SP1: variants seen among roughly 807,000 people sequenced by gnomAD.
SP1 encodes Sp1 transcription factor.
Under a neutral mutation model 66.3 loss-of-function variants are expected in SP1, and 6 were observed. The ratio of observed to expected loss-of-function variants is 0.09; its 90% CI spans 0.05 to 0.18. SP1 has a LOEUF of 0.18. Among genes scored for constraint, SP1 ranks in the 10% least tolerant of loss-of-function variants. The probability of loss-of-function intolerance (pLI) is 1.00; values close to 1 mark genes in which losing one functional copy is unlikely to be tolerated. For missense variants in SP1, 848 were observed against 964.5 expected (o/e 0.88, Z 1.60); for synonymous variants, 417 against 360.8 (o/e 1.16, Z -1.77).
At chr12:53,406,166 G>C (rs533984197) in intron 3 of SP1, among the ~76,000 whole-genome samples, 1 of 150,740 alleles carries the variant, frequency 6.6e-6, no homozygotes, top group East Asian at 2.0e-4. Flanking sequence ...CGCCTCCCGG[G>C]TTCAAGCAAT....
intron 3 of SP1, among the ~76,000 whole-genome samples, chr12:53,401,430 G>A (rs544723168): frequency 4.0e-4 from 55 of 138,398 alleles, no homozygotes; most frequent in African/African-American, 1.4e-3. Flanking sequence ...CAGCCTGGGC[G>A]ACAAGAGCAA....
chr12:53,390,816 CG>C (rs1938332261), intron 3 of SP1, among the ~76,000 whole-genome samples: 4 of 152,130 alleles, frequency 2.6e-5, no homozygotes, highest in Admixed American at 2.6e-4. Flanking sequence ...TGTTAAATCA[CG>C]TTGCCTTGTG....
rs1014872752 is a variant in SP1, at chr12:53,382,942, C to T, written c.995C>T (p.Thr332Ile). ...TNANSYSTTTTTSNMGIMNFT... is the reference protein window; with the variant it reads ...TNANSYSTTTITSNMGIMNFT... The stretch of plus-strand genomic sequence containing the variant: ...GCCAATAGCTACTCAACTACTACTA[C>T]CACCAGCAACATGGGAATTATGAAC... The change falls in exon 3 of 6, where the codon ACC becomes ATC. Residue 332 changes from threonine to isoleucine, a missense_variant. Physicochemically the swap from Thr to Ile is moderately conservative, Grantham distance 89. Around this residue, in one of 7 missense-constraint regions of SP1, gnomAD observed 606 missense variants for 589.9 expected, o/e 1.03. Transcript: ENST00000327443. 1.2e-6 allele frequency: 2 copies of T among 1,614,052 alleles called. No individual in the cohort carries two copies. Among genetic ancestry groups the T allele is most frequent in the African/African-American group, 1.3e-5 (1 of 74,930 alleles).
intron 3 of SP1, among the ~76,000 whole-genome samples, chr12:53,391,469 C>T (rs1339642535): frequency 1.3e-5 from 2 of 150,646 alleles, no homozygotes; most frequent in South Asian, 4.2e-4. Flanking sequence ...GGACTACAGG[C>T]GTGTGCCACC....
rs761944479 is a variant in SP1 at position 53,409,487 on chromosome 12, T to C, written c.1970T>C (p.Met657Thr). 1.9e-6 allele frequency: 3 copies of C among 1,614,084 alleles called. No homozygotes were observed. In the African/African-American group the frequency reaches 4.0e-5, roughly 22 times the overall value. The part of the protein sequence containing the change: ...LRWHTGERPF[M>T]CTWSYCGKRF... Reference sequence around the variant, plus strand: ...TGGCATACAGGCGAGAGGCCATTTATGTGTACCTGGTCATACTGTGGGAAA... The same window carrying C: ...TGGCATACAGGCGAGAGGCCATTTACGTGTACCTGGTCATACTGTGGGAAA... The change falls in exon 5 of 6, where the codon ATG (methionine) becomes ACG (threonine). Residue 657 changes from methionine to threonine, a missense_variant. This residue lies in a region of SP1 where 39 missense variants were observed against 124.2 expected (regional missense o/e 0.31). Transcript: ENST00000327443.
chr12:53,382,396 C>G lies in SP1; in HGVS notation c.449C>G (p.Ala150Gly). 1 of 1,614,210 alleles carries G rather than the reference C, an allele frequency of 6.2e-7. No homozygotes were observed. The highest frequency in any genetic ancestry group is 8.5e-7 in the Non-Finnish European group (1 of 1,180,032). Residue 150 changes from alanine (A) to glycine (G), a missense_variant, in exon 3 of 6, where the codon GCT becomes GGT. This residue lies in a region of SP1 where 606 missense variants were observed against 589.9 expected (regional missense o/e 1.03). Transcript: ENST00000327443. ...GTCTCTGGTGGGCAGTATGTTGTGGCTGCCGCTCCCAACTTACAGAACCAG... is the reference window on the plus strand; with the variant it reads ...GTCTCTGGTGGGCAGTATGTTGTGGGTGCCGCTCCCAACTTACAGAACCAG... The part of the protein sequence containing the change: ...RTVSGGQYVV[A>G]AAPNLQNQQV...
chr12:53,390,206 A>G (rs906119188), intron 3 of SP1, among the ~76,000 whole-genome samples: 1 of 152,236 alleles, frequency 6.6e-6, no homozygotes, highest in Admixed American at 6.5e-5. Flanking sequence ...TTTATCAAAT[A>G]TAATGTTGAA....
In SP1 at chr12:53,411,351, A is replaced by G. The variant is rs915953445; in HGVS notation, c.*111A>G. On this transcript the variant is annotated 3_prime_UTR_variant, in exon 6 of 6. Coordinates refer to ENST00000327443, the MANE Select transcript of SP1 (RefSeq NM_138473.3). ...AGAGAGCCATGAAGCATTAAAATGC[A>G]TGGTGTTGAGAAGAATCAGGAGAGG... The G allele has an allele frequency of 2.7e-5, 23 of 865,668 alleles. No individual in the cohort carries two copies. The East Asian group carries it at 3.3e-4, about 13-fold the overall frequency. The allele number at this position is 865,668 out of a possible 1,614,324, so 53.6% of individuals were successfully genotyped here. A position where few individuals can be genotyped will look rare whatever the true frequency, so the allele number is the denominator to read the frequency against.
chr12:53,383,130 C>G lies in SP1; in HGVS notation c.1183C>G (p.Gln395Glu), dbSNP rs745490784. 2 of 1,614,216 alleles carry G rather than the reference C, an allele frequency of 1.2e-6. No homozygotes were observed. The highest frequency in any genetic ancestry group is 2.2e-5 in the South Asian group (2 of 91,088). Reference sequence around the variant, plus strand: ...AGAAGGAGAGCAAAACCAGCAGACACAGCAGCAACAAATTCTTATCCAGCC... The same window carrying G: ...AGAAGGAGAGCAAAACCAGCAGACAGAGCAGCAACAAATTCTTATCCAGCC... Reference protein sequence around the residue: ...QKEGEQNQQTQQQQILIQPQL... With the variant: ...QKEGEQNQQTEQQQILIQPQL... The change falls in exon 3 of 6, where the codon CAG becomes GAG. Residue 395 changes from glutamine to glutamate, a missense_variant. Coordinates refer to ENST00000327443, the MANE Select transcript of SP1 (RefSeq NM_138473.3).
intron 3 of SP1, among the ~76,000 whole-genome samples, chr12:53,388,989 G>A (rs1251757395): frequency 2.4e-5 from 3 of 127,514 alleles, no homozygotes; most frequent in African/African-American, 6.0e-5. Flanking sequence ...AAAAAAAAAA[G>A]TATCTAATTT....
rs773925728 is a variant in SP1, at chr12:53,406,762, A to G, written c.1844+9A>G. 1.2e-6 allele frequency: 2 copies of G among 1,606,768 alleles called. No homozygotes were observed. The highest frequency in any genetic ancestry group is 4.5e-5 in the East Asian group (2 of 44,816). The stretch of plus-strand genomic sequence containing the variant: ...AAAGACAGTGAAGGAAGGTGAGTTG[A>G]CCCAGCCAGTTTCTTACAAATATAA... On this transcript the variant is annotated intron_variant, in intron 4 of 5. Transcript: ENST00000327443.
chr12:53,406,182 T>C (rs1352129395), intron 3 of SP1, among the ~76,000 whole-genome samples: 2 of 149,598 alleles, frequency 1.3e-5, no homozygotes, highest in Non-Finnish European at 3.0e-5. Flanking sequence ...GCAATTCTCC[T>C]GGCTCAGCCT....
chr12:53,398,400 A>G (rs767983558), intron 3 of SP1, among the ~76,000 whole-genome samples: 12 of 152,092 alleles, frequency 7.9e-5, no homozygotes, highest in Non-Finnish European at 1.6e-4. Flanking sequence ...CTCCTGCCTC[A>G]GCCTCCCAGG....
chr12:53,391,242 A>G (rs1243438652), intron 3 of SP1, among the ~76,000 whole-genome samples: 2 of 152,006 alleles, frequency 1.3e-5, no homozygotes, highest in African/African-American at 4.8e-5. Context: ...TTACTTTAAA[A>G]TATATTTGCC....
At chr12:53,392,855 C>T (rs1938387137) in intron 3 of SP1, among the ~76,000 whole-genome samples, 1 of 151,074 alleles carries the variant, frequency 6.6e-6, no homozygotes, top group Non-Finnish European at 1.5e-5. Context: ...GATAAGGTCT[C>T]TCTCTGTCGC....
intron 3 of SP1, among the ~76,000 whole-genome samples, chr12:53,403,053 T>C (rs1202243247): frequency 1.3e-5 from 2 of 150,254 alleles, no homozygotes; most frequent in East Asian, 3.9e-4. Context: ...GAGGCTGAGG[T>C]AGAAGAACTG....
At chr12:53,397,834 G>A (rs967071839) in intron 3 of SP1, among the ~76,000 whole-genome samples, 1 of 151,674 alleles carries the variant, frequency 6.6e-6, no homozygotes, top group Non-Finnish European at 1.5e-5. Context: ...GATTACAGGC[G>A]TGAGCCACTG....
intron 1 of SP1, among the ~76,000 whole-genome samples, chr12:53,380,913 C>T (rs1444808364): frequency 1.3e-5 from 2 of 150,150 alleles, no homozygotes; most frequent in African/African-American, 4.9e-5. Flanking sequence ...TTTTTCCCCT[C>T]TCGTTACTTT....
chr12:53,392,730 G>C (rs1938384114), intron 3 of SP1, among the ~76,000 whole-genome samples: 2 of 149,646 alleles, frequency 1.3e-5, no homozygotes, highest in African/African-American at 4.9e-5. Context: ...CCTGACCTCA[G>C]GTGATCCACC....
Sources: allele counts gnomAD v4.1 joint callset (sites outside exome capture counted in the v4.1 genomes callset), GRCh38; gene constraint gnomAD v4.1.1; regional missense constraint gnomAD v4.1.1; transcripts MANE v1.5; gene names NCBI Gene and HGNC (gene_info 2026-07-23, HGNC 2026-07-21).